The following DCTN5 variants were observed in gnomAD, a reference collection of about 807,000 sequenced individuals.
DCTN5 encodes dynactin subunit 5.
A neutral mutation model predicts 23.5 loss-of-function variants in DCTN5; 14 were observed. The observed-to-expected ratio is 0.60, with a 90% CI of 0.39 to 0.93. DCTN5 has a LOEUF of 0.93. Among genes scored for constraint, DCTN5 ranks in the 40% least tolerant of loss-of-function variants. DCTN5 has a pLI of 0.00. For synonymous variants in DCTN5, 67 were observed against 79.6 expected (o/e 0.84, Z 0.84); for missense variants, 156 against 225.9 (o/e 0.69, Z 1.98).
chr16:23,643,505 C>G (rs2140968864), intron 2 of DCTN5, among the ~76,000 whole-genome samples: 1 of 152,024 alleles, frequency 6.6e-6, no homozygotes, highest in East Asian at 1.9e-4. Context: ...AGTTGGATCT[C>G]TTGAATGCAA....
chr16:23,655,177 G>A (rs1418565121), intron 2 of DCTN5, among the ~76,000 whole-genome samples: 1 of 151,924 alleles, frequency 6.6e-6, no homozygotes, highest in Non-Finnish European at 1.5e-5. Flanking sequence ...CCTTTTTATA[G>A]CTAAATATTA....
intron 2 of DCTN5, 36 bp downstream of exon 2, chr16:23,643,059 A>G: frequency 6.3e-7 from 1 of 1,577,624 alleles, no homozygotes; most frequent in Non-Finnish European, 8.7e-7. Flanking sequence ...TGCAAACCTT[A>G]GCTTGCGTTC....
intron 1 of DCTN5, 184 bp from the exon 2 acceptor site, chr16:23,642,771 G>A: frequency 1.7e-6 from 1 of 591,600 alleles, no homozygotes; most frequent in African/African-American, 1.9e-5. Flanking sequence ...ACAGGCATGA[G>A]CCACCATACT....
At chr16:23,652,251 C>T (rs911181513) in intron 2 of DCTN5, among the ~76,000 whole-genome samples, 1 of 152,054 alleles carries the variant, frequency 6.6e-6, no homozygotes, top group Admixed American at 6.6e-5. Context: ...TCAGGAGTTC[C>T]CCACCTACCT....
At position 23,657,130 on chromosome 16, in the gene DCTN5, C is replaced by T. The variant is rs372365189; in HGVS notation, c.118-1377C>T. On this transcript the variant is annotated intron_variant, in intron 2 of 5. Coordinates refer to ENST00000300087, the MANE Select transcript of DCTN5 (RefSeq NM_032486.4). Reference sequence around the variant, plus strand: ...TGCTTCCAGAGTAGTAGTAATAATACGGAAATTTATGTATGTTAATCCTTT... The same window carrying T: ...TGCTTCCAGAGTAGTAGTAATAATATGGAAATTTATGTATGTTAATCCTTT... 6.6e-4 allele frequency among the ~76,000 whole-genome samples: 100 copies of T among 152,166 alleles called. 2 individuals carry two copies. The highest frequency in any genetic ancestry group is 2.1e-3 in the African/African-American group (87 of 41,514).
At chr16:23,652,294 CCT>C (rs1218788997) in intron 2 of DCTN5, among the ~76,000 whole-genome samples, 1 of 152,148 alleles carries the variant, frequency 6.6e-6, no homozygotes, top group Non-Finnish European at 1.5e-5. Context: ...TGACCTCAGA[CCT>C]TTATTTACAA....
At chr16:23,653,664 G>C (rs987703553) in intron 2 of DCTN5, among the ~76,000 whole-genome samples, 2 of 152,134 alleles carry the variant, frequency 1.3e-5, no homozygotes, top group African/African-American at 2.4e-5. Flanking sequence ...TGATGAAGAT[G>C]CCAAAAGCAA....
At chr16:23,665,116 A>C (rs184844754) in intron 4 of DCTN5, among the ~76,000 whole-genome samples, 1 of 152,182 alleles carries the variant, frequency 6.6e-6, no homozygotes, top group Non-Finnish European at 1.5e-5. Flanking sequence ...TGCTTTCCCC[A>C]GTAGTCCCAG....
intron 4 of DCTN5, among the ~76,000 whole-genome samples, chr16:23,663,881 G>A (rs962001195): frequency 3.3e-5 from 5 of 152,172 alleles, no homozygotes; most frequent in African/African-American, 9.7e-5. Context: ...GGGCAAAATG[G>A]CCAACCAGTG....
rs1283122553 is a variant in DCTN5 at position 23,658,497 on chromosome 16, C to G, written c.118-10C>G. On this transcript the variant is annotated splice_polypyrimidine_tract_variant and intron_variant, in intron 2 of 5. Transcript: ENST00000300087. ...GTTGCTAATTTTTTAAAATTTGCTT[C>G]GTCTTACAGACCATTGTGATGAATG... The G allele has an allele frequency of 6.2e-7, 1 of 1,602,184 alleles. No individual in the cohort carries two copies. Among genetic ancestry groups the G allele is most frequent in the South Asian group, 1.1e-5 (1 of 90,590 alleles).
rs150716217 is a variant in DCTN5 at position 23,665,724 on chromosome 16, C to T, written c.447C>T (p.Cys149=). The change falls in exon 5 of 6, where the codon TGC becomes TGT. Residue 149 remains cysteine, a synonymous_variant. Transcript: ENST00000300087. ...VVPPFTVFSG[C]PGLFSGELPE... Reference sequence around the variant, plus strand: ...CACCATTCACTGTCTTCTCAGGCTGCCCAGGTAACCTTGGCTGTTGATTAA... The same window carrying T: ...CACCATTCACTGTCTTCTCAGGCTGTCCAGGTAACCTTGGCTGTTGATTAA... The T allele has an allele frequency of 1.7e-5, 28 of 1,611,912 alleles. No individual in the cohort carries two copies. In the African/African-American group the frequency reaches 3.5e-4, roughly 20 times the overall value.
intron 5 of DCTN5, among the ~76,000 whole-genome samples, chr16:23,666,312 A>T (rs1371376327): frequency 6.6e-6 from 1 of 152,154 alleles, no homozygotes. Context: ...GTTAGCATAA[A>T]CCATGGTCTA....
intron 2 of DCTN5, among the ~76,000 whole-genome samples, chr16:23,646,119 T>C (rs557812481): frequency 1.3e-5 from 2 of 152,328 alleles, no homozygotes; most frequent in African/African-American, 4.8e-5. Context: ...TTTTGGATTA[T>C]GGCCATCCAA....
intron 2 of DCTN5, among the ~76,000 whole-genome samples, chr16:23,647,540 G>T (rs1967494965): frequency 6.7e-6 from 1 of 148,598 alleles, no homozygotes. Flanking sequence ...ATGGAGTATT[G>T]CCCTGTTGCC....
At chr16:23,657,410 T>G (rs1967725983) in intron 2 of DCTN5, 1 of 366,244 alleles carries the variant, frequency 2.7e-6, no homozygotes, top group Non-Finnish European at 5.3e-6. Context: ...GAGCTATGAT[T>G]GTGGCACTGC....
At chr16:23,656,119 C>T (rs1265898778) in intron 2 of DCTN5, among the ~76,000 whole-genome samples, 1 of 152,088 alleles carries the variant, frequency 6.6e-6, no homozygotes, top group African/African-American at 2.4e-5. Context: ...TCCCAGCTAC[C>T]TGGAGGCTGA....
chr16:23,646,545 G>A (rs766049691), intron 2 of DCTN5, among the ~76,000 whole-genome samples: 24 of 151,956 alleles, frequency 1.6e-4, no homozygotes, highest in Non-Finnish European at 2.8e-4. Context: ...TCTTAGTGCT[G>A]TGTTTAGGTC....
intron 2 of DCTN5, among the ~76,000 whole-genome samples, chr16:23,647,435 ATTATGAG>A (rs1335693999): frequency 6.6e-6 from 1 of 151,690 alleles, no homozygotes; most frequent in Non-Finnish European, 1.5e-5. Flanking sequence ...TTAATCATGA[ATTATGAG>A]TCTTCCATGT....
At chr16:23,641,949 G>A (rs997750514) in intron 1 of DCTN5, among the ~76,000 whole-genome samples, 7 of 151,980 alleles carry the variant, frequency 4.6e-5, no homozygotes, top group African/African-American at 1.5e-4. Flanking sequence ...GAGGAAGGGG[G>A]TTGGGGGGCG....
Sources: gnomAD v4.1 joint callset for allele counts (sites outside exome capture counted in the v4.1 genomes callset) on GRCh38, gnomAD v4.1.1 for gene constraint, MANE v1.5 for transcripts, NCBI Gene and HGNC (gene_info 2026-07-23, HGNC 2026-07-21) for gene names.